The following BANK1 variants were observed in gnomAD, a reference collection of about 807,000 sequenced individuals.
BANK1 encodes B-cell scaffold protein with ankyrin repeats.
BANK1 carries 95 observed loss-of-function variants against 94.5 expected under a neutral mutation model. The observed-to-expected ratio is 1.00, with a 90% CI of 0.85 to 1.19. The LOEUF is 1.19. Among genes scored for constraint, BANK1 ranks in the 50% most tolerant of loss-of-function variants. BANK1 has a pLI of 0.00. For missense variants in BANK1, 987 were observed against 932.2 expected, an observed-to-expected ratio of 1.06 and a Z score of -0.77; for synonymous variants, 334 against 308.4, an observed-to-expected ratio of 1.08 and a Z score of -0.87.
intron 7 of BANK1, among the ~76,000 whole-genome samples, chr4:101,999,871 A>G (rs1168345762): frequency 1.3e-5 from 2 of 152,222 alleles, no homozygotes; most frequent in Non-Finnish European, 2.9e-5. Context: ...AAGACCCAGA[A>G]GTGAAAGAAG....
intron 11 of BANK1, among the ~76,000 whole-genome samples, chr4:102,047,307 T>G (rs1423463154): frequency 6.6e-6 from 1 of 152,202 alleles, no homozygotes; most frequent in African/African-American, 2.4e-5. Context: ...CAACACATGA[T>G]GAAGCTGAAC....
intron 10 of BANK1, among the ~76,000 whole-genome samples, chr4:102,035,031 A>G (rs1727452254): frequency 6.6e-6 from 1 of 152,338 alleles, no homozygotes; most frequent in South Asian, 2.1e-4. Flanking sequence ...GAAACTCTGA[A>G]TATTTGGTGA....
chr4:101,908,059 A>C (rs1438004249), intron 6 of BANK1, among the ~76,000 whole-genome samples: 19 of 152,238 alleles, frequency 1.2e-4, no homozygotes, highest in Non-Finnish European at 2.4e-4. Flanking sequence ...AAACTACTTT[A>C]AAGGTCATAT....
intron 13 of BANK1, among the ~76,000 whole-genome samples, chr4:102,067,451 T>C (rs1011595941): frequency 6.6e-6 from 1 of 151,938 alleles, no homozygotes; most frequent in African/African-American, 2.4e-5. Context: ...AGTTTGAAAG[T>C]AAAGTATGGT....
At chr4:102,070,593 C>A (rs1421746091) in intron 13 of BANK1, among the ~76,000 whole-genome samples, 1 of 152,210 alleles carries the variant, frequency 6.6e-6, no homozygotes, top group African/African-American at 2.4e-5. Flanking sequence ...TCTGGACCAT[C>A]AGCAAATTCC....
intron 1 of BANK1, among the ~76,000 whole-genome samples, chr4:101,814,812 T>C (rs1304659852): frequency 2.0e-5 from 3 of 152,192 alleles, no homozygotes; most frequent in African/African-American, 7.2e-5. Flanking sequence ...ATACTAAGAA[T>C]GGTATAAAAA....
chr4:101,873,532 G>A (rs1218427542), intron 5 of BANK1, among the ~76,000 whole-genome samples: 1 of 152,084 alleles, frequency 6.6e-6, no homozygotes, highest in African/African-American at 2.4e-5. Flanking sequence ...TGCGCATATA[G>A]CAAAATGAGC....
chr4:101,820,305 G>T (rs948934040), intron 1 of BANK1, among the ~76,000 whole-genome samples: 1 of 152,092 alleles, frequency 6.6e-6, no homozygotes, highest in Non-Finnish European at 1.5e-5. Context: ...AACAATTTCT[G>T]AGTATTAAAT....
intron 5 of BANK1, among the ~76,000 whole-genome samples, chr4:101,871,233 AAATGC>A (rs765473121): frequency 6.6e-5 from 10 of 152,126 alleles, no homozygotes; most frequent in Non-Finnish European, 1.2e-4. Context: ...TTTCAGAGTG[AAATGC>A]CATTTCTATT....
chr4:101,981,756 C>A (rs929264596), intron 7 of BANK1: 7 of 152,042 alleles, frequency 4.6e-5, no homozygotes, highest in African/African-American at 1.7e-4. Flanking sequence ...TATACTAGTT[C>A]TTTCATTAAT....
intron 7 of BANK1, among the ~76,000 whole-genome samples, chr4:102,010,669 A>C (rs1010594350): frequency 6.6e-6 from 1 of 152,208 alleles, no homozygotes; most frequent in African/African-American, 2.4e-5. Context: ...CTGGGATTAC[A>C]GGCATGAGCC....
intron 11 of BANK1, among the ~76,000 whole-genome samples, chr4:102,044,493 C>T (rs1489982913): frequency 1.4e-5 from 2 of 148,044 alleles, no homozygotes; most frequent in South Asian, 2.2e-4. Context: ...AATAAACATA[C>T]GTGTGCATGT....
chr4:101,922,251 G>A (rs1326066873), intron 7 of BANK1, among the ~76,000 whole-genome samples: 1 of 151,688 alleles, frequency 6.6e-6, no homozygotes, highest in African/African-American at 2.4e-5. Context: ...TTGTGTTTAG[G>A]CTAGTAAACA....
intron 2 of BANK1, among the ~76,000 whole-genome samples, chr4:101,845,348 T>C (rs1165086281): frequency 1.3e-5 from 2 of 152,170 alleles, no homozygotes; most frequent in Non-Finnish European, 2.9e-5. Flanking sequence ...AGATATAGCA[T>C]CCCTGAAATT....
At chr4:102,067,727 T>C (rs1331938233) in intron 13 of BANK1, among the ~76,000 whole-genome samples, 1 of 151,992 alleles carries the variant, frequency 6.6e-6, no homozygotes, top group African/African-American at 2.4e-5. Flanking sequence ...ACTTCTTTCT[T>C]AGTAATTAAT....
intron 6 of BANK1, among the ~76,000 whole-genome samples, chr4:101,905,486 A>G (rs1490145161): frequency 6.6e-6 from 1 of 152,126 alleles, no homozygotes; most frequent in African/African-American, 2.4e-5. Flanking sequence ...TGATTAGCCC[A>G]ATGTTTTCCT....
chr4:101,797,314 TGAG>T (rs1725190351), intron 1 of BANK1, among the ~76,000 whole-genome samples: 1 of 152,064 alleles, frequency 6.6e-6, no homozygotes, highest in Non-Finnish European at 1.5e-5. Context: ...TTATAATGAG[TGAG>T]GAGAAGAATC....
At chr4:102,042,321 C>G (rs1363475755) in intron 10 of BANK1, among the ~76,000 whole-genome samples, 1 of 151,994 alleles carries the variant, frequency 6.6e-6, no homozygotes, top group Non-Finnish European at 1.5e-5. Context: ...AAACCCAGAA[C>G]TTGCCAGTTA....
chr4:101,791,086 T>C, intron 1 of BANK1, 136 bp downstream of exon 1: 1 of 723,182 alleles, frequency 1.4e-6, no homozygotes, highest in African/African-American at 1.9e-5. Context: ...TTCTCCTTTT[T>C]ATCCTGCCGC....
Sources: gnomAD v4.1 joint callset for allele counts (sites outside exome capture counted in the v4.1 genomes callset) on GRCh38, gnomAD v4.1.1 for gene constraint, MANE v1.5 for transcripts, NCBI Gene and HGNC (gene_info 2026-07-23, HGNC 2026-07-21) for gene names.